Variants in SH3RF3 observed in about 807,000 individuals in gnomAD.
The protein encoded by SH3RF3 is SH3 domain containing ring finger 3.
SH3RF3 carries 29 observed loss-of-function variants against 66.3 expected under a neutral mutation model. That is an observed-to-expected ratio of 0.44 (90% CI 0.33 to 0.60). The LOEUF is 0.60. Among genes scored for constraint, SH3RF3 ranks in the 20% least tolerant of loss-of-function variants. The probability of loss-of-function intolerance (pLI) is 0.04; values close to 1 mark genes in which losing one functional copy is unlikely to be tolerated. For missense variants in SH3RF3, 1,194 were observed against 1,190.9 expected (o/e 1.00, Z -0.04); for synonymous variants, 583 against 532.0 (o/e 1.10, Z -1.32).
intron 1 of SH3RF3, among the ~76,000 whole-genome samples, chr2:109,294,053 A>G (rs1184838962): frequency 1.3e-5 from 2 of 152,136 alleles, no homozygotes; most frequent in East Asian, 3.9e-4. Flanking sequence ...CTCTGCCTGG[A>G]AAGTGACCTG....
At chr2:109,195,516 G>A (rs932205005) in intron 1 of SH3RF3, among the ~76,000 whole-genome samples, 3 of 152,198 alleles carry the variant, frequency 2.0e-5, no homozygotes, top group African/African-American at 4.8e-5. Flanking sequence ...GGAAACCTAC[G>A]TTCTTTAGAG....
At chr2:109,131,850 A>T (rs1011851992) in intron 1 of SH3RF3, among the ~76,000 whole-genome samples, 1 of 152,140 alleles carries the variant, frequency 6.6e-6, no homozygotes, top group Non-Finnish European at 1.5e-5. Flanking sequence ...ATGTTTCTGG[A>T]TGTTGTTTAA....
At chr2:109,347,636 G>A (rs1262056621) in intron 1 of SH3RF3, 38 bp from the exon 2 acceptor site, 3 of 1,600,762 alleles carry the variant, frequency 1.9e-6, no homozygotes. Flanking sequence ...ATTGGGAAGG[G>A]GCATGCCCGG....
intron 1 of SH3RF3, among the ~76,000 whole-genome samples, chr2:109,289,490 T>C (rs1288146209): frequency 2.0e-5 from 3 of 152,224 alleles, no homozygotes; most frequent in Admixed American, 6.5e-5. Context: ...GCTGCTCTTA[T>C]ACGCACTCTT....
chr2:109,291,566 G>A (rs1429461994), intron 1 of SH3RF3, among the ~76,000 whole-genome samples: 1 of 152,222 alleles, frequency 6.6e-6, no homozygotes, highest in African/African-American at 2.4e-5. Flanking sequence ...CTTGGAAGAA[G>A]CTCCTGCCAC....
intron 4 of SH3RF3, among the ~76,000 whole-genome samples, chr2:109,414,477 G>T (rs192675447): frequency 3.4e-4 from 52 of 152,294 alleles, no homozygotes; most frequent in Admixed American, 7.8e-4. Context: ...GGTCAGAGCA[G>T]AAGTTCATGA....
intron 1 of SH3RF3, among the ~76,000 whole-genome samples, chr2:109,270,373 A>G (rs1376523605): frequency 6.6e-6 from 1 of 152,202 alleles, no homozygotes; most frequent in Non-Finnish European, 1.5e-5. Flanking sequence ...CGGGATAGGC[A>G]GGCTCATAGA....
chr2:109,391,015 C>T (rs916615742), intron 3 of SH3RF3, among the ~76,000 whole-genome samples: 23 of 152,176 alleles, frequency 1.5e-4, no homozygotes, highest in African/African-American at 4.6e-4. Context: ...ACAAGGTGGA[C>T]GGGTGCCACC....
intron 9 of SH3RF3, among the ~76,000 whole-genome samples, chr2:109,498,185 T>C (rs1679300518): frequency 6.6e-6 from 1 of 151,982 alleles, no homozygotes; most frequent in Admixed American, 6.6e-5. Flanking sequence ...GAGAGCAGAG[T>C]CTGGTTCGCC....
At chr2:109,384,766 G>A (rs1039445155) in intron 3 of SH3RF3, among the ~76,000 whole-genome samples, 2 of 152,108 alleles carry the variant, frequency 1.3e-5, no homozygotes, top group African/African-American at 4.8e-5. Context: ...AAAGTTTCGA[G>A]CTCTGGTCAT....
chr2:109,245,721 A>G (rs1196685229), intron 1 of SH3RF3, among the ~76,000 whole-genome samples: 1 of 152,244 alleles, frequency 6.6e-6, no homozygotes, highest in Admixed American at 6.5e-5. Context: ...ATATCTTAAC[A>G]AATTCAGGAA....
intron 1 of SH3RF3, among the ~76,000 whole-genome samples, chr2:109,150,363 A>G (rs1184927370): frequency 6.6e-6 from 1 of 152,180 alleles, no homozygotes; most frequent in Non-Finnish European, 1.5e-5. Flanking sequence ...GTACAAGACC[A>G]TGCTAGGGAT....
intron 1 of SH3RF3, among the ~76,000 whole-genome samples, chr2:109,175,997 G>A (rs767794450): frequency 2.0e-5 from 3 of 152,162 alleles, no homozygotes; most frequent in East Asian, 1.9e-4. Context: ...AAAGATCCAC[G>A]TGGTCTAATT....
At chr2:109,364,380 C>CTAG (rs1308177447) in intron 2 of SH3RF3, among the ~76,000 whole-genome samples, 4 of 152,186 alleles carry the variant, frequency 2.6e-5, no homozygotes, top group Non-Finnish European at 4.4e-5. Context: ...TACATGCTGT[C>CTAG]TAGTTCAAAC....
chr2:109,148,600 C>T (rs1036303553), intron 1 of SH3RF3, among the ~76,000 whole-genome samples: 2 of 152,088 alleles, frequency 1.3e-5, no homozygotes. Context: ...GTAAAATACT[C>T]GATTATGTAT....
chr2:109,157,848 A>T (rs1484221835), intron 1 of SH3RF3, among the ~76,000 whole-genome samples: 1 of 152,146 alleles, frequency 6.6e-6, no homozygotes, highest in African/African-American at 2.4e-5. Flanking sequence ...AAGCATGTCC[A>T]GGATTAAGGC....
At chr2:109,361,657 G>T (rs544927365) in intron 2 of SH3RF3, among the ~76,000 whole-genome samples, 2 of 152,116 alleles carry the variant, frequency 1.3e-5, no homozygotes, top group Non-Finnish European at 2.9e-5. Context: ...TGTATTTTTA[G>T]TAGAGATGGG....
chr2:109,459,580 A>T (rs1382094637), intron 8 of SH3RF3, among the ~76,000 whole-genome samples: 2 of 152,158 alleles, frequency 1.3e-5, no homozygotes, highest in South Asian at 2.1e-4. Context: ...GCTCTTGCCC[A>T]TGTCCACTAT....
intron 2 of SH3RF3, among the ~76,000 whole-genome samples, chr2:109,365,009 A>G (rs1012115360): frequency 6.6e-6 from 1 of 152,122 alleles, no homozygotes; most frequent in Non-Finnish European, 1.5e-5. Flanking sequence ...AAGGATCGTG[A>G]GACTCTGTCT....
Sources: gnomAD v4.1 joint callset for allele counts (sites outside exome capture counted in the v4.1 genomes callset) on GRCh38, gnomAD v4.1.1 for gene constraint, MANE v1.5 for transcripts, NCBI Gene and HGNC (gene_info 2026-07-23, HGNC 2026-07-21) for gene names.